The following EYS variants were observed in gnomAD, a reference collection of about 807,000 sequenced individuals.
The protein encoded by EYS is protein eyes shut homolog.
In EYS, 250 loss-of-function variants were observed where a neutral mutation model predicts 282.1. The ratio of observed to expected loss-of-function variants is 0.89; its 90% CI spans 0.80 to 0.98. The LOEUF (loss-of-function observed/expected upper bound fraction) is 0.98. EYS is among the 50% of genes least tolerant of loss of function. The pLI is 0.00. For synonymous variants in EYS, 1,355 were observed against 1,282.9 expected (o/e 1.06, Z -1.20); for missense variants, 4,016 against 3,709.0 (o/e 1.08, Z -2.15).
chr6:64,739,897 G>T (rs1772312781), intron 22 of EYS, among the ~76,000 whole-genome samples: 1 of 151,970 alleles, frequency 6.6e-6, no homozygotes. Flanking sequence ...AAGTGAATAG[G>T]AAATAATGTT....
At chr6:64,684,039 G>A (rs951167071) in intron 22 of EYS, among the ~76,000 whole-genome samples, 5 of 152,118 alleles carry the variant, frequency 3.3e-5, no homozygotes, top group Admixed American at 1.3e-4. Context: ...TTGCTGTTGA[G>A]CTGCCAACTC....
chr6:65,183,485 G>A (rs929396086), intron 12 of EYS, among the ~76,000 whole-genome samples: 1 of 151,768 alleles, frequency 6.6e-6, no homozygotes, highest in Non-Finnish European at 1.5e-5. Flanking sequence ...TTGATGATGT[G>A]ATAAAAGTGA....
chr6:64,031,578 C>T (rs1048812305), intron 33 of EYS, among the ~76,000 whole-genome samples: 15 of 152,230 alleles, frequency 9.9e-5, no homozygotes, highest in African/African-American at 2.2e-4. Flanking sequence ...GTGAAGCCAG[C>T]GGGGCTCCTG....
chr6:64,254,553 C>A (rs1029859085), intron 30 of EYS, among the ~76,000 whole-genome samples: 52 of 151,986 alleles, frequency 3.4e-4, no homozygotes, highest in Admixed American at 4.6e-4. Flanking sequence ...TGTCAGTCCC[C>A]GTCTCTGAGG....
intron 13 of EYS, among the ~76,000 whole-genome samples, chr6:65,040,706 T>C (rs1307905942): frequency 6.6e-6 from 1 of 151,638 alleles, no homozygotes; most frequent in Admixed American, 6.6e-5. Flanking sequence ...GCAAAGTCAT[T>C]TCTAGCTTAG....
intron 31 of EYS, among the ~76,000 whole-genome samples, chr6:64,214,805 G>C (rs1765881750): frequency 6.6e-6 from 1 of 151,982 alleles, no homozygotes; most frequent in Non-Finnish European, 1.5e-5. Flanking sequence ...TTGATTAATG[G>C]AAGGGAATTA....
chr6:65,355,348 C>A (rs554868957), intron 8 of EYS, among the ~76,000 whole-genome samples: 1 of 152,018 alleles, frequency 6.6e-6, no homozygotes, highest in South Asian at 2.1e-4. Context: ...CCTGTACCCC[C>A]AAAAGTATTG....
chr6:65,454,050 G>A (rs1419112409), intron 5 of EYS, among the ~76,000 whole-genome samples: 1 of 112,332 alleles, frequency 8.9e-6, no homozygotes, highest in Non-Finnish European at 2.1e-5. Context: ...AACCACTGGG[G>A]GATTGTTGGA....
At chr6:65,416,524 T>C (rs1767243830) in intron 5 of EYS, among the ~76,000 whole-genome samples, 1 of 151,970 alleles carries the variant, frequency 6.6e-6, no homozygotes, top group Non-Finnish European at 1.5e-5. Flanking sequence ...TTAGTAGAAA[T>C]CATAATGGGG....
At chr6:65,021,266 G>T (rs1772245465) in intron 13 of EYS, among the ~76,000 whole-genome samples, 2 of 152,108 alleles carry the variant, frequency 1.3e-5, no homozygotes, top group Admixed American at 6.6e-5. Context: ...TTGCTGCTTA[G>T]AAATTGCTTC....
intron 29 of EYS, among the ~76,000 whole-genome samples, chr6:64,368,753 G>T (rs1176282138): frequency 6.6e-6 from 1 of 151,780 alleles, no homozygotes; most frequent in Non-Finnish European, 1.5e-5. Context: ...TTTAAATGGG[G>T]TTGTTTTTGC....
At chr6:65,291,015 CATA>C (rs938291344) in intron 12 of EYS, among the ~76,000 whole-genome samples, 5 of 151,262 alleles carry the variant, frequency 3.3e-5, no homozygotes, top group East Asian at 3.9e-4. Context: ...TAAACAACAA[CATA>C]ATATTAGTTA....
intron 12 of EYS, among the ~76,000 whole-genome samples, chr6:65,154,988 T>A (rs1422586425): frequency 1.3e-5 from 2 of 151,530 alleles, no homozygotes; most frequent in Non-Finnish European, 3.0e-5. Context: ...CAAATGGGTT[T>A]AGAAAGGAAA....
intron 30 of EYS, among the ~76,000 whole-genome samples, chr6:64,269,276 G>A (rs6938782): frequency 0.69 from 104,352 of 151,910 alleles, 35,877 homozygotes; most frequent in South Asian, 0.71. Flanking sequence ...CAATTAAAAT[G>A]AAACAAAATA....
In EYS at chr6:64,912,550, G is replaced by T; in HGVS notation, c.2575C>A (p.Pro859Thr). Residue 859 changes from proline (P) to threonine (T), a missense_variant, in exon 16 of 43, where the codon CCT becomes ACT. Transcript: ENST00000503581. Reference sequence around the variant, plus strand: ...AAGCATGTTGAGTTGTTTCTGCAAGGGTTATGAAGTAGGTCACAAAGGTTA... The same window carrying T: ...AAGCATGTTGAGTTGTTTCTGCAAGTGTTATGAAGTAGGTCACAAAGGTTA... ...RYNLCDLLHN[P>T]CRNNSTCLAL... The T allele has an allele frequency of 6.4e-7, 1 of 1,551,174 alleles. No individual in the cohort carries two copies. Among genetic ancestry groups the T allele is most frequent in the Admixed American group, 2.0e-5 (1 of 50,974 alleles).
chr6:65,442,689 G>A (rs1421822349), intron 5 of EYS, among the ~76,000 whole-genome samples: 11 of 151,836 alleles, frequency 7.2e-5, no homozygotes, highest in South Asian at 4.1e-4. Flanking sequence ...AGGAGGTGGA[G>A]GTTGCAGTGA....
At chr6:64,342,449 C>T (rs6900876) in intron 29 of EYS, among the ~76,000 whole-genome samples, 3,738 of 152,014 alleles carry the variant, frequency 0.025, 147 homozygotes, top group African/African-American at 0.085. Context: ...CCTAGAATTT[C>T]ATATCCAGAC....
chr6:65,272,445 G>A (rs1332299187), intron 12 of EYS, among the ~76,000 whole-genome samples: 2 of 152,060 alleles, frequency 1.3e-5, no homozygotes, highest in Non-Finnish European at 2.9e-5. Context: ...GAGTGACTTA[G>A]GGCCAAGATT....
At chr6:64,695,460 C>T (rs1024687892) in intron 22 of EYS, among the ~76,000 whole-genome samples, 3 of 152,080 alleles carry the variant, frequency 2.0e-5, no homozygotes, top group South Asian at 2.1e-4. Context: ...CAGTACATTG[C>T]TATTACAACT....
Sources: allele counts gnomAD v4.1 joint callset (sites outside exome capture counted in the v4.1 genomes callset), GRCh38; gene constraint gnomAD v4.1.1; transcripts MANE v1.5; gene names NCBI Gene and HGNC (gene_info 2026-07-23, HGNC 2026-07-21).